RBL2: variants seen among roughly 807,000 people sequenced by gnomAD.
RBL2 encodes RB transcriptional corepressor like 2, also known as retinoblastoma-like protein 2.
Under a neutral mutation model 126.0 loss-of-function variants are expected in RBL2, and 56 were observed. The observed-to-expected ratio is 0.44, with a 90% CI of 0.36 to 0.56. The LOEUF (loss-of-function observed/expected upper bound fraction) is 0.56. Ranked by LOEUF, RBL2 falls within the 20% of genes least tolerant of loss-of-function variation. The pLI is 0.00. For missense variants in RBL2, 1,229 were observed against 1,398.2 expected (o/e 0.88, Z 1.93); for synonymous variants, 454 against 478.5 (o/e 0.95, Z 0.67).
At chr16:53,435,529 G>C in intron 1 of RBL2, 1 of 1,180,046 alleles carries the variant, frequency 8.5e-7, no homozygotes, top group Non-Finnish European at 1.1e-6. Context: ...GCTTGCAGAT[G>C]AGAAAAATGG....
chr16:53,454,300 G>A (rs1449498818), intron 7 of RBL2: 8 of 427,218 alleles, frequency 1.9e-5, no homozygotes, highest in Admixed American at 1.6e-4. Context: ...TGCCTCCCAG[G>A]TTCAAGCGAT....
intron 5 of RBL2, among the ~76,000 whole-genome samples, chr16:53,452,600 A>G (rs1043949734): frequency 6.6e-6 from 1 of 152,012 alleles, no homozygotes; most frequent in Non-Finnish European, 1.5e-5. Context: ...CATTTCTATC[A>G]TAACTCCCTT....
chr16:53,440,620 C>T (rs928226433), intron 2 of RBL2, among the ~76,000 whole-genome samples: 1 of 152,154 alleles, frequency 6.6e-6, no homozygotes, highest in Admixed American at 6.6e-5. Context: ...GGGGCGTGAT[C>T]TCAGCTCATT....
chr16:53,483,544 GA>G (rs968698693), intron 21 of RBL2, among the ~76,000 whole-genome samples: 1 of 149,480 alleles, frequency 6.7e-6, no homozygotes, highest in Non-Finnish European at 1.5e-5. Context: ...TGTCTGTTTG[GA>G]AAAAAAAGTT....
At chr16:53,454,090 G>A in intron 7 of RBL2, 1 of 406,368 alleles carries the variant, frequency 2.5e-6, no homozygotes, top group Non-Finnish European at 4.7e-6. Flanking sequence ...AGATAGTTAA[G>A]CTTCTCACCG....
chr16:53,434,821 T>C lies in RBL2; in HGVS notation c.240+25T>C, dbSNP rs377424600. On this transcript the variant is annotated intron_variant, in intron 1 of 21. Coordinates refer to ENST00000262133, the MANE Select transcript of RBL2 (RefSeq NM_005611.4). The stretch of plus-strand genomic sequence containing the variant: ...GGTGCGCTCGCGGGCGGAGGGGCGC[T>C]TCCGGCCTAGTTGGCGTGAACCGGT... 6.8e-5 allele frequency: 101 copies of C among 1,481,070 alleles called. 3 individuals carry two copies. The East Asian group carries it at 1.2e-3, about 17-fold the overall frequency. The allele number at this position is 1,481,070 out of a possible 1,614,324, so 91.7% of individuals were successfully genotyped here.
intron 7 of RBL2, among the ~76,000 whole-genome samples, chr16:53,454,047 G>A (rs895589064): frequency 6.6e-6 from 1 of 152,180 alleles, no homozygotes; most frequent in Non-Finnish European, 1.5e-5. Context: ...GTGTAAGTGT[G>A]GAAGTCTTCA....
In RBL2 at chr16:53,442,947, AAAAG is replaced by A. The variant is rs2058029906; in HGVS notation, c.572+93_572+96del. On this transcript the variant is annotated intron_variant, in intron 3 of 21. Coordinates refer to ENST00000262133, the MANE Select transcript of RBL2 (RefSeq NM_005611.4). ...CTAGGTTTTTTTTTTCTGGTTTTAAAAAAGAAATAAGATTTAAAAAATCTTTTTC... is the reference window on the plus strand; with the variant it reads ...CTAGGTTTTTTTTTTCTGGTTTTAAAAAATAAGATTTAAAAAATCTTTTTC... 4.0e-6 allele frequency: 4 copies of A among 1,001,006 alleles called. No individual in the cohort carries two copies. In the South Asian group the frequency reaches 6.2e-5, roughly 15 times the overall value. The allele number at this position is 1,001,006 out of a possible 1,614,324, so 62.0% of individuals were successfully genotyped here.
chr16:53,447,542 CTATT>C (rs909440224), intron 4 of RBL2, among the ~76,000 whole-genome samples: 1 of 152,032 alleles, frequency 6.6e-6, no homozygotes, highest in Admixed American at 6.6e-5. Context: ...CTTTTATATA[CTATT>C]TATTTTCTTT....
At chr16:53,486,566 G>C (rs1212461867) in intron 21 of RBL2, among the ~76,000 whole-genome samples, 1 of 152,192 alleles carries the variant, frequency 6.6e-6, no homozygotes, top group African/African-American at 2.4e-5. Flanking sequence ...CTTAGTGTTT[G>C]AAGGAAAGCA....
At chr16:53,451,933 C>T in intron 5 of RBL2, 102 bp downstream of exon 5, 1 of 1,333,884 alleles carries the variant, frequency 7.5e-7, no homozygotes, top group Non-Finnish European at 1.0e-6. Context: ...TGAAGAGCTC[C>T]TGTCATTACG....
chr16:53,471,151 A>G (rs1329791327), intron 17 of RBL2, among the ~76,000 whole-genome samples: 1 of 152,206 alleles, frequency 6.6e-6, no homozygotes, highest in East Asian at 1.9e-4. Context: ...TTTATTAGCT[A>G]ATGTATATTT....
At chr16:53,470,710 G>C in intron 16 of RBL2, 36 bp from the exon 17 acceptor site, 1 of 1,612,406 alleles carries the variant, frequency 6.2e-7, no homozygotes, top group South Asian at 1.1e-5. Flanking sequence ...GGAAATACAA[G>C]TGTTAAACAA....
At chr16:53,446,792 T>C (rs1392437898) in intron 3 of RBL2, among the ~76,000 whole-genome samples, 1 of 152,232 alleles carries the variant, frequency 6.6e-6, no homozygotes, top group Non-Finnish European at 1.5e-5. Context: ...CTCACCTATC[T>C]TGCCCTCAAA....
At chr16:53,478,505 T>C (rs1233665343) in intron 17 of RBL2, among the ~76,000 whole-genome samples, 1 of 150,994 alleles carries the variant, frequency 6.6e-6, no homozygotes, top group Non-Finnish European at 1.5e-5. Flanking sequence ...CTTTCTCTGT[T>C]CCTCAGATCA....
intron 1 of RBL2, chr16:53,435,718 A>C: frequency 7.8e-7 from 1 of 1,289,086 alleles, no homozygotes; most frequent in Non-Finnish European, 1.0e-6. Context: ...TCGGGCAAAT[A>C]GGTCCAGGAT....
chr16:53,480,866 A>G, intron 20 of RBL2, 97 bp downstream of exon 20: 16 of 1,289,854 alleles, frequency 1.2e-5, no homozygotes, highest in Non-Finnish European at 1.7e-5. Flanking sequence ...GTCCGTATAT[A>G]AACTAGTTTT....
At chr16:53,467,450 C>A (rs1270476416) in intron 14 of RBL2, among the ~76,000 whole-genome samples, 1 of 152,126 alleles carries the variant, frequency 6.6e-6, no homozygotes, top group Admixed American at 6.5e-5. Context: ...TGCAGTGGCC[C>A]AATCTCAGCT....
chr16:53,471,817 C>T (rs1233747320), intron 17 of RBL2, among the ~76,000 whole-genome samples: 1 of 152,194 alleles, frequency 6.6e-6, no homozygotes, highest in Non-Finnish European at 1.5e-5. Context: ...AGCACATTTA[C>T]AGTACTAAGT....
Sources: gnomAD v4.1 joint callset for allele counts (sites outside exome capture counted in the v4.1 genomes callset) on GRCh38, gnomAD v4.1.1 for gene constraint, MANE v1.5 for transcripts, NCBI Gene and HGNC (gene_info 2026-07-23, HGNC 2026-07-21) for gene names.